The following SCIN variants were observed in gnomAD, a reference collection of about 807,000 sequenced individuals.
SCIN encodes the protein adseverin.
Under a neutral mutation model 91.8 loss-of-function variants are expected in SCIN, and 91 were observed. That is an observed-to-expected ratio of 0.99 (90% CI 0.84 to 1.18). SCIN has a LOEUF of 1.18. Among genes scored for constraint, SCIN ranks in the 50% most tolerant of loss-of-function variants. SCIN has a pLI of 0.00. For synonymous variants in SCIN, 367 were observed against 312.6 expected (o/e 1.17, Z -1.84); for missense variants, 1,087 against 863.9 (o/e 1.26, Z -3.24).
At chr7:12,611,921 T>C (rs1173093206) in intron 4 of SCIN, among the ~76,000 whole-genome samples, 1 of 105,918 alleles carries the variant, frequency 9.4e-6, no homozygotes, top group Non-Finnish European at 2.1e-5. Context: ...TAACCCTGTC[T>C]CTTAAAATAA....
chr7:12,621,109 T>C (rs548202364), intron 4 of SCIN, among the ~76,000 whole-genome samples: 1 of 152,292 alleles, frequency 6.6e-6, no homozygotes, highest in Admixed American at 6.5e-5. Flanking sequence ...TATGGCCTAG[T>C]TGATAAAGTG....
At chr7:12,624,661 A>G (rs187204072) in intron 5 of SCIN, among the ~76,000 whole-genome samples, 36 of 152,332 alleles carry the variant, frequency 2.4e-4, no homozygotes, top group Non-Finnish European at 4.6e-4. Flanking sequence ...CATGATGCTT[A>G]GTACATAAGA....
Position 12,625,120 on chromosome 7 carries a change from C to T in SCIN, c.870C>T (p.Ala290=), listed in dbSNP as rs183028165. 2 of 1,607,734 alleles carry T rather than the reference C, an allele frequency of 1.2e-6. No homozygotes were observed. The highest frequency in any genetic ancestry group is 1.3e-5 in the African/African-American group (1 of 74,698). The change falls in exon 6 of 16, where the codon GCC becomes GCT. Residue 290 remains alanine, a synonymous_variant. Transcript: ENST00000297029. ...GCTTTATTTTGGACCACGGGGCTGC[C>T]AAACAAATTTTCGTATGGAAAGGTA... ...EECFILDHGA[A]KQIFVWKGKD...
intron 10 of SCIN, among the ~76,000 whole-genome samples, chr7:12,637,067 T>C (rs985831822): frequency 6.6e-6 from 1 of 152,154 alleles, no homozygotes; most frequent in Non-Finnish European, 1.5e-5. Flanking sequence ...GTGACTAAAT[T>C]GTTATTCCAG....
At position 12,655,916 on chromosome 7, in the gene SCIN, G is replaced by C. The variant is rs1363900915; in HGVS notation, c.*3201G>C. 1 of 152,156 alleles carries C rather than the reference G, an allele frequency of 6.6e-6. No homozygotes were observed. Among genetic ancestry groups the C allele is most frequent in the East Asian group, 1.9e-4 (1 of 5,194 alleles). 9.4% of individuals were successfully genotyped at this position (152,156 alleles called of 1,614,324 possible). A position where few individuals can be genotyped will look rare whatever the true frequency, so the allele number is the denominator to read the frequency against. ...AGACCCAGGAAGCCTACTGTTAGTA[G>C]AGGTCAGCCTCATCTTTTCTCTCTG... On this transcript the variant is annotated 3_prime_UTR_variant, in exon 16 of 16. Coordinates refer to ENST00000297029, the MANE Select transcript of SCIN (RefSeq NM_001112706.3).
Position 12,657,917 on chromosome 7 carries a change from A to G in SCIN, c.*5202A>G, listed in dbSNP as rs2115312464. 6.6e-6 allele frequency: 1 copy of G among 152,216 alleles called. No individual in the cohort carries two copies. The highest frequency in any genetic ancestry group is 1.5e-5 in the Non-Finnish European group (1 of 68,004). 9.4% of individuals were successfully genotyped at this position (152,216 alleles called of 1,614,324 possible). Reference sequence around the variant, plus strand: ...AGTAGTCATATTTCCTGTTGCCTATAAAAAATTGATGCTTTAATTTAGTTA... The same window carrying G: ...AGTAGTCATATTTCCTGTTGCCTATGAAAAATTGATGCTTTAATTTAGTTA... On this transcript the variant is annotated 3_prime_UTR_variant, in exon 16 of 16. Coordinates refer to ENST00000297029, the MANE Select transcript of SCIN (RefSeq NM_001112706.3).
At position 12,593,535 on chromosome 7, in the gene SCIN, T is replaced by A. The variant is rs183222659; in HGVS notation, c.517-10979T>A. Among the ~76,000 whole-genome samples, 453 of 152,236 alleles carry A rather than the reference T, an allele frequency of 3.0e-3. 3 individuals are homozygous for A. The highest frequency in any genetic ancestry group is 0.027 in the East Asian group (139 of 5,178). ...AATAATAATTAAAAAATAAATAAAATTTTTTAAAGAAAGAACAATAGTTCC... is the reference window on the plus strand; with the variant it reads ...AATAATAATTAAAAAATAAATAAAAATTTTTAAAGAAAGAACAATAGTTCC... On this transcript the variant is annotated intron_variant, in intron 3 of 15. Transcript: ENST00000297029.
Position 12,644,133 on chromosome 7 carries a change from T to C in SCIN, c.1582-5T>C. 1 of 1,609,618 alleles carries C rather than the reference T, an allele frequency of 6.2e-7. No individual in the cohort carries two copies. Among genetic ancestry groups the C allele is most frequent in the South Asian group, 1.1e-5 (1 of 90,396 alleles). On this transcript the variant is annotated splice_polypyrimidine_tract_variant and splice_region_variant and intron_variant, in intron 11 of 15. Transcript: ENST00000297029. Reference sequence around the variant, plus strand: ...ATCATTGTTTTATTTTTCTTCATATTCCAGGTTGATGTTGATGCAAATTCA... The same window carrying C: ...ATCATTGTTTTATTTTTCTTCATATCCCAGGTTGATGTTGATGCAAATTCA...
At chr7:12,609,169 A>G (rs927669711) in intron 4 of SCIN, among the ~76,000 whole-genome samples, 18 of 152,180 alleles carry the variant, frequency 1.2e-4, no homozygotes, top group African/African-American at 3.9e-4. Flanking sequence ...CACAACCATC[A>G]TTAACAAGAC....
At position 12,578,909 on chromosome 7, in the gene SCIN, G is replaced by GTTTTTTTTTTTTTTTTTTTTTTTTTTTT; in HGVS notation, c.354+706_354+707insTTTTTTTTTTTTTTTTTTTTTTTTTTTT. Among the ~76,000 whole-genome samples the GTTTTTTTTTTTTTTTTTTTTTTTTTTTT allele has an allele frequency of 7.9e-4, 68 of 85,880 alleles. 10 individuals carry two copies. Among genetic ancestry groups the GTTTTTTTTTTTTTTTTTTTTTTTTTTTT allele is most frequent in the South Asian group, 2.7e-3 (6 of 2,238 alleles). 56.3% of individuals were successfully genotyped at this position (85,880 alleles called of 152,430 possible). On this transcript the variant is annotated intron_variant, in intron 2 of 15. Transcript: ENST00000297029. ...TAAGGCAGCCTTCAGTATAGGACAGGTTTTTTTTTTTTTTTGGCATCCTCC... is the reference window on the plus strand; with the variant it reads ...TAAGGCAGCCTTCAGTATAGGACAGGTTTTTTTTTTTTTTTTTTTTTTTTTTTTTTTTTTTTTTTTTTTGGCATCCTCC...
chr7:12,618,917 C>A (rs1041489877), intron 4 of SCIN, among the ~76,000 whole-genome samples: 1 of 152,104 alleles, frequency 6.6e-6, no homozygotes, highest in African/African-American at 2.4e-5. Flanking sequence ...TGAAATGCCT[C>A]ATTTTCTATA....
intron 4 of SCIN, among the ~76,000 whole-genome samples, chr7:12,621,637 G>GTTTTTTTTTTTTTTTTT (rs60697843): frequency 4.7e-5 from 5 of 106,392 alleles, no homozygotes; most frequent in East Asian, 2.8e-4. Context: ...AAGTGTTTTA[G>GTTTTTTTTTTTTTTTTT]TTTTTTTTTT....
At chr7:12,579,710 G>T (rs1001189869) in intron 2 of SCIN, among the ~76,000 whole-genome samples, 4 of 152,288 alleles carry the variant, frequency 2.6e-5, no homozygotes, top group Non-Finnish European at 5.9e-5. Context: ...GAGGTCAGAA[G>T]TTTGAGACCA....
At chr7:12,639,383 G>A (rs760463794) in intron 10 of SCIN, among the ~76,000 whole-genome samples, 1 of 152,062 alleles carries the variant, frequency 6.6e-6, no homozygotes, top group East Asian at 1.9e-4. Flanking sequence ...AATGCCTTTC[G>A]GCCTCCCTAT....
intron 4 of SCIN, among the ~76,000 whole-genome samples, chr7:12,609,790 T>A (rs1189848427): frequency 2.0e-5 from 3 of 152,194 alleles, no homozygotes; most frequent in Non-Finnish European, 2.9e-5. Flanking sequence ...GTTGCTGAAC[T>A]GTTGTTGAAC....
rs1782256571 is a variant in SCIN, at chr7:12,570,992, G to C, written c.199+7G>C. ...CACCTGCACTTCTGGCTCGGTAAGG[G>C]ACGGCGGGCGGCGGGACCCCGACGC... On this transcript the variant is annotated splice_region_variant and intron_variant, in intron 1 of 15. Coordinates refer to ENST00000297029, the MANE Select transcript of SCIN (RefSeq NM_001112706.3). 6.5e-7 allele frequency: 1 copy of C among 1,546,236 alleles called. No homozygotes were observed. Among genetic ancestry groups the C allele is most frequent in the South Asian group, 1.2e-5 (1 of 83,768 alleles).
chr7:12,628,271 G>C (rs1253698594), intron 8 of SCIN, among the ~76,000 whole-genome samples: 1 of 152,116 alleles, frequency 6.6e-6, no homozygotes, highest in Non-Finnish European at 1.5e-5. Flanking sequence ...AAAAACAGAA[G>C]TCATATTATT....
chr7:12,647,812 G>A (rs1783995781), intron 13 of SCIN, among the ~76,000 whole-genome samples: 1 of 152,172 alleles, frequency 6.6e-6, no homozygotes. Context: ...GTCATGCTCA[G>A]ATGTCTGCAG....
At chr7:12,581,602 A>G (rs11972652) in intron 3 of SCIN, among the ~76,000 whole-genome samples, 5,638 of 152,300 alleles carry the variant, frequency 0.037, 365 homozygotes, top group African/African-American at 0.13. Context: ...TAATATGGAC[A>G]TAAGATGAAT....
Sources: allele counts gnomAD v4.1 joint callset (sites outside exome capture counted in the v4.1 genomes callset), GRCh38; gene constraint gnomAD v4.1.1; transcripts MANE v1.5; gene names NCBI Gene and HGNC (gene_info 2026-07-23, HGNC 2026-07-21).